TMED3: variants seen among roughly 807,000 people sequenced by gnomAD.
TMED3 encodes transmembrane p24 trafficking protein 3.
TMED3 carries 9 observed loss-of-function variants against 15.0 expected under a neutral mutation model. The ratio of observed to expected loss-of-function variants is 0.60; its 90% CI spans 0.36 to 1.04. The LOEUF is 1.04. Among genes scored for constraint, TMED3 ranks in the 50% least tolerant of loss-of-function variants. The pLI is 0.01. For synonymous variants in TMED3, 117 were observed against 121.4 expected, an observed-to-expected ratio of 0.96 and a Z score of 0.24; for missense variants, 267 against 278.9, an observed-to-expected ratio of 0.96 and a Z score of 0.30.
chr15:79,336,928 G>C (rs1467714101), intron 2 of TMED3, among the ~76,000 whole-genome samples: 1 of 152,134 alleles, frequency 6.6e-6, no homozygotes, highest in Non-Finnish European at 1.5e-5. Context: ...AATAATAACA[G>C]ACAACAAATG....
At chr15:79,342,386 G>A (rs1023941668) in intron 2 of TMED3, among the ~76,000 whole-genome samples, 4 of 151,994 alleles carry the variant, frequency 2.6e-5, no homozygotes, top group African/African-American at 9.7e-5. Context: ...GAAAAATAAA[G>A]CAGTGTCACA....
intron 2 of TMED3, among the ~76,000 whole-genome samples, chr15:79,381,712 C>T (rs901199384): frequency 6.6e-6 from 1 of 152,192 alleles, no homozygotes; most frequent in East Asian, 1.9e-4. Context: ...TACCTGCTCT[C>T]CCCTGGGGTG....
downstream of TMED3, among the ~76,000 whole-genome samples, chr15:79,324,926 G>A (rs1369875669): frequency 6.6e-6 from 1 of 152,166 alleles, no homozygotes; most frequent in African/African-American, 2.4e-5. Context: ...TTCCTCATCT[G>A]TAAAATGAGC....
chr15:79,408,140 A>G (rs1343388683), intron 2 of TMED3, among the ~76,000 whole-genome samples: 1 of 152,238 alleles, frequency 6.6e-6, no homozygotes. Flanking sequence ...TCCAACCCAC[A>G]GCAAGGAAAA....
At chr15:79,352,844 AT>A (rs1567030224) in intron 2 of TMED3, among the ~76,000 whole-genome samples, 15 of 124,616 alleles carry the variant, frequency 1.2e-4, no homozygotes, top group African/African-American at 4.1e-4. Context: ...ATATATATAT[AT>A]AAAATATACA....
rs1217972887 is a variant in TMED3 at position 79,382,996 on chromosome 15, C to T, written c.418-28404C>T. On this transcript the variant is annotated intron_variant, in intron 2 of 2. Coordinates refer to the TMED3 transcript ENST00000424155. ...CCCAGTGCTTCACCAACACCAACGC[C>T]ACCACTAAGGGTTCCAGTGTGATCA... 1.1e-5 allele frequency: 17 copies of T among 1,535,370 alleles called. No homozygotes were observed. In the East Asian group the frequency reaches 3.9e-4, roughly 35 times the overall value.
rs140072130 is a variant in TMED3 at position 79,395,261 on chromosome 15, C to T, written c.418-16139C>T. On this transcript the variant is annotated intron_variant, in intron 2 of 2. Coordinates refer to the TMED3 transcript ENST00000424155. ...GTGGCACGATCTCGGCCCACTGAAA[C>T]CTCCGCCTCCTGGATTCAAGCAATT... Among the ~76,000 whole-genome samples, 1,493 of 152,314 alleles carry T rather than the reference C, an allele frequency of 9.8e-3. 22 individuals are homozygous for T. The highest frequency in any genetic ancestry group is 0.033 in the African/African-American group (1,378 of 41,564).
chr15:79,384,923 G>T (rs1469831453), intron 2 of TMED3, among the ~76,000 whole-genome samples: 1 of 152,112 alleles, frequency 6.6e-6, no homozygotes, highest in Non-Finnish European at 1.5e-5. Flanking sequence ...TGGCATTCAC[G>T]GAGAGGAATG....
At chr15:79,382,795 A>G (rs572459744) in intron 2 of TMED3, among the ~76,000 whole-genome samples, 10 of 152,288 alleles carry the variant, frequency 6.6e-5, no homozygotes, top group Admixed American at 5.2e-4. Flanking sequence ...CTGAATTTCA[A>G]TCAGATCATC....
chr15:79,383,129 G>C lies in TMED3; in HGVS notation c.418-28271G>C. 8.4e-6 allele frequency: 9 copies of C among 1,074,534 alleles called. No homozygotes were observed. The South Asian group carries it at 1.2e-4, about 15-fold the overall frequency. The allele number at this position is 1,074,534 out of a possible 1,614,324, so 66.6% of individuals were successfully genotyped here. ...CAGGTACCCACAGCTTTACTGCCAT[G>C]GTGCACTTCACTTCCTGCCTTGTCC... On this transcript the variant is annotated intron_variant, in intron 2 of 2. Coordinates refer to the TMED3 transcript ENST00000424155.
intron 2 of TMED3, among the ~76,000 whole-genome samples, chr15:79,315,316 A>G (rs746732395): frequency 2.6e-5 from 4 of 152,252 alleles, no homozygotes; most frequent in East Asian, 1.9e-4. Flanking sequence ...CAGGTACTCA[A>G]TAGTCACAGG....
chr15:79,395,651 G>A (rs1471705379), intron 2 of TMED3, among the ~76,000 whole-genome samples: 2 of 152,058 alleles, frequency 1.3e-5, no homozygotes, highest in African/African-American at 2.4e-5. Flanking sequence ...CCTTTAACAC[G>A]AAAATATCAG....
intron 2 of TMED3, among the ~76,000 whole-genome samples, chr15:79,395,970 G>C (rs1343308881): frequency 6.6e-6 from 1 of 152,182 alleles, no homozygotes; most frequent in Non-Finnish European, 1.5e-5. Context: ...TGACAATCTG[G>C]GAAATATTTT....
At chr15:79,394,408 C>A (rs761736819) in intron 2 of TMED3, among the ~76,000 whole-genome samples, 1 of 152,148 alleles carries the variant, frequency 6.6e-6, no homozygotes, top group Non-Finnish European at 1.5e-5. Context: ...GAGAGACTGA[C>A]TCATCCTTCT....
intron 2 of TMED3, among the ~76,000 whole-genome samples, chr15:79,352,089 G>A (rs1028747884): frequency 2.6e-4 from 39 of 151,894 alleles, no homozygotes; most frequent in African/African-American, 8.9e-4. Flanking sequence ...AGGGGGGTGA[G>A]GGGTAAAAAC....
intron 2 of TMED3, among the ~76,000 whole-genome samples, chr15:79,319,169 C>T (rs1258136878): frequency 2.0e-5 from 3 of 152,210 alleles, no homozygotes; most frequent in Non-Finnish European, 2.9e-5. Flanking sequence ...TCAGTTCCAT[C>T]TGATACACAG....
intron 2 of TMED3, among the ~76,000 whole-genome samples, chr15:79,336,590 G>A (rs931339868): frequency 1.3e-5 from 2 of 152,064 alleles, no homozygotes; most frequent in Admixed American, 6.6e-5. Flanking sequence ...CCCAGGAGAT[G>A]GAGGTTGCAG....
chr15:79,399,724 C>T (rs1031623152), intron 2 of TMED3, among the ~76,000 whole-genome samples: 4 of 152,188 alleles, frequency 2.6e-5, no homozygotes, highest in Non-Finnish European at 4.4e-5. Context: ...TCCTCTGATT[C>T]ATTACTCAAA....
chr15:79,328,088 A>G (rs1035042979), intron 2 of TMED3, among the ~76,000 whole-genome samples: 1 of 152,204 alleles, frequency 6.6e-6, no homozygotes, highest in Admixed American at 6.5e-5. Context: ...CTCTCTAGTG[A>G]ATGCCAAAGC....
Sources: gnomAD v4.1 joint callset for allele counts (sites outside exome capture counted in the v4.1 genomes callset) on GRCh38, gnomAD v4.1.1 for gene constraint, MANE v1.5 for transcripts, NCBI Gene and HGNC (gene_info 2026-07-23, HGNC 2026-07-21) for gene names.